The following ZNF117 variants were observed in gnomAD, a reference collection of about 807,000 sequenced individuals.
The protein encoded by ZNF117 is zinc finger protein 117, also known as Krueppel-related zinc finger protein.
A neutral mutation model predicts 41.2 loss-of-function variants in ZNF117; 37 were observed. The ratio of observed to expected loss-of-function variants is 0.90; its 90% CI spans 0.69 to 1.18. The LOEUF (loss-of-function observed/expected upper bound fraction) is 1.18. ZNF117 is among the 50% of genes most tolerant of loss of function. The pLI is 0.00. For missense variants in ZNF117, 546 were observed against 557.5 expected (o/e 0.98, Z 0.21); for synonymous variants, 186 against 186.6 (o/e 1.00, Z 0.02).
At chr7:64,977,250 A>AT (rs1248460624) in exon 3 of ZNF117, 3 of 412,878 alleles carry the variant, frequency 7.3e-6, no homozygotes, top group Admixed American at 3.3e-5. Context: ...TCCTGTATGA[A>AT]TTTTTTTATG....
At chr7:64,981,883 T>A (rs1786041131) in intron 1 of ZNF117, 101 bp downstream of exon 2, 2 of 401,888 alleles carry the variant, frequency 5.0e-6, no homozygotes, top group Non-Finnish European at 9.1e-6. Flanking sequence ...AAAACAGGGA[T>A]CTGAAACTCA....
At chr7:64,976,869 C>T (rs1182290259) in exon 3 of ZNF117, 6 of 466,724 alleles carry the variant, frequency 1.3e-5, no homozygotes, top group Non-Finnish European at 2.6e-5. Context: ...GATTTAGTTA[C>T]AAGCATTGCC....
upstream of ZNF117, among the ~76,000 whole-genome samples, chr7:64,984,527 G>A (rs1007726659): frequency 6.6e-5 from 10 of 152,170 alleles, no homozygotes; most frequent in East Asian, 3.9e-4. Flanking sequence ...TACTTTTCCC[G>A]TAATAGCACC....
At chr7:64,977,811 C>T in exon 3 of ZNF117, 1 of 1,047,384 alleles carries the variant, frequency 9.5e-7, no homozygotes, top group South Asian at 1.3e-5. Context: ...ACATTCTTCA[C>T]ATTTGTAGGG....
rs775144709 is a variant in ZNF117 at position 64,978,175 on chromosome 7, TTA to T, written c.1394_1395del (p.Ile465AsnfsTer4). 6.2e-7 allele frequency: 1 copy of T among 1,612,590 alleles called. No individual in the cohort carries two copies. The highest frequency in any genetic ancestry group is 1.1e-5 in the South Asian group (1 of 91,010). On this transcript the variant is annotated frameshift_variant, in exon 3 of 3. Coordinates refer to ENST00000620222, the Ensembl canonical transcript of ZNF117. LOFTEE classifies it high-confidence loss of function. ...TTGTACTGTTTCTCTTCAGTATGAA[TTA>T]TCTTATGTGTAGTAAGTGTTGAAGA... is the stretch of plus-strand genomic sequence containing the variant.
At chr7:64,978,321 T>C (rs1785936731) in exon 3 of ZNF117, 17 of 1,608,014 alleles carry the variant, frequency 1.1e-5, no homozygotes, top group Non-Finnish European at 1.4e-5. Flanking sequence ...TTCACATTTG[T>C]AGAGTTTCTC....
exon 3 of ZNF117, chr7:64,978,055 A>G (rs879694075): frequency 2.5e-5 from 38 of 1,537,244 alleles, no homozygotes; most frequent in Non-Finnish European, 3.1e-5. Context: ...GTTTTGCCAC[A>G]TTCTTCACAC....
intron 1 of ZNF117, among the ~76,000 whole-genome samples, chr7:64,989,485 ATATATATATATAT>A (rs1786213071): frequency 6.6e-5 from 7 of 105,978 alleles, no homozygotes; most frequent in South Asian, 2.7e-4. Context: ...ATATATATAT[ATATATATATATAT>A]AAAACCTGAA....
exon 3 of ZNF117, chr7:64,977,624 A>G (rs1412627492): frequency 7.1e-6 from 5 of 699,482 alleles, no homozygotes; most frequent in South Asian, 5.4e-5. Context: ...CTTGGCTAAA[A>G]GCTTTGCCAC....
chr7:64,976,895 G>A (rs145725921), exon 3 of ZNF117: 76 of 499,612 alleles, frequency 1.5e-4, no homozygotes, highest in African/African-American at 1.4e-3. Context: ...CTTCACATTT[G>A]CAGGGTTTCT....
chr7:64,982,135 C>T (rs1584050417), upstream of ZNF117: 5 of 808,418 alleles, frequency 6.2e-6, no homozygotes, highest in East Asian at 1.4e-4. Flanking sequence ...CACAAAAACA[C>T]ACACATACAC....
chr7:64,975,173 A>G (rs1044080320), exon 3 of ZNF117: 2 of 151,948 alleles, frequency 1.3e-5, no homozygotes, highest in Non-Finnish European at 2.9e-5. Context: ...GGTTGAAGTT[A>G]GTGGCATGAT....
chr7:64,979,358 T>C, exon 3 of ZNF117: 2 of 1,598,054 alleles, frequency 1.3e-6, no homozygotes, highest in East Asian at 2.2e-5. Context: ...TTTTCAAACA[T>C]TGGTTAAGTC....
chr7:64,977,961 G>C (rs1216777995), exon 3 of ZNF117: 4 of 1,249,014 alleles, frequency 3.2e-6, no homozygotes, highest in Non-Finnish European at 3.5e-6. Context: ...TTGGTTAAAA[G>C]CTTTGTCACA....
At chr7:64,978,962 G>C (rs1215892508) in exon 3 of ZNF117, 2 of 1,611,768 alleles carry the variant, frequency 1.2e-6, no homozygotes, top group Admixed American at 3.3e-5. Context: ...TCGATGACTG[G>C]TTAAAGGCTT....
At chr7:64,973,168 T>A (rs1274319563), downstream of ZNF117, 1 of 151,978 alleles carries the variant, frequency 6.6e-6, no homozygotes, top group Non-Finnish European at 1.5e-5. Context: ...TCCTCGGAAT[T>A]GTAATATCAA....
chr7:64,986,048 C>T (rs1786128397), upstream of ZNF117, among the ~76,000 whole-genome samples: 1 of 149,836 alleles, frequency 6.7e-6, no homozygotes, highest in Non-Finnish European at 1.5e-5. Context: ...TCCACTATAA[C>T]AGCCAGGTCT....
At chr7:64,977,940 A>C in exon 3 of ZNF117, 1 of 1,232,418 alleles carries the variant, frequency 8.1e-7, no homozygotes, top group Non-Finnish European at 1.2e-6. Context: ...ATGTGTAGAA[A>C]GGGTTGAAGA....
upstream of ZNF117, among the ~76,000 whole-genome samples, chr7:64,983,535 C>T (rs992082018): frequency 6.6e-6 from 1 of 152,068 alleles, no homozygotes; most frequent in African/African-American, 2.4e-5. Context: ...CATGGCATTC[C>T]AGGAGGCAGA....
Sources: allele counts gnomAD v4.1 joint callset (sites outside exome capture counted in the v4.1 genomes callset), GRCh38; gene constraint gnomAD v4.1.1; transcripts MANE v1.5; gene names NCBI Gene and HGNC (gene_info 2026-07-23, HGNC 2026-07-21).